TFB1M: variants seen among roughly 807,000 people sequenced by gnomAD.
TFB1M encodes dimethyladenosine transferase 1, mitochondrial.
A neutral mutation model predicts 31.1 loss-of-function variants in TFB1M; 27 were observed. The observed-to-expected ratio is 0.87, with a 90% CI of 0.64 to 1.20. The LOEUF is 1.20. TFB1M is among the 50% of genes most tolerant of loss of function. The pLI is 0.00. For missense variants in TFB1M, 394 were observed against 418.7 expected, an observed-to-expected ratio of 0.94 and a Z score of 0.51; for synonymous variants, 166 against 151.8, an observed-to-expected ratio of 1.09 and a Z score of -0.69.
chr6:155,251,408 T>C (rs1783646719), downstream of TFB1M, among the ~76,000 whole-genome samples: 1 of 152,190 alleles, frequency 6.6e-6, no homozygotes, highest in Admixed American at 6.5e-5. Context: ...TGCCTAAGCC[T>C]CCTGAGTAGC....
chr6:155,313,852 G>C (rs1778123731), intron 1 of TFB1M, among the ~76,000 whole-genome samples: 1 of 152,144 alleles, frequency 6.6e-6, no homozygotes, highest in African/African-American at 2.4e-5. Context: ...CGAATCATAC[G>C]AGGGATACTC....
intron 5 of TFB1M, chr6:155,276,042 G>T: frequency 3.1e-6 from 5 of 1,614,176 alleles, no homozygotes; most frequent in Non-Finnish European, 4.2e-6. Flanking sequence ...ACTCGCTTAG[G>T]AGGGGACAGA....
chr6:155,253,810 T>C, downstream of TFB1M: 1 of 567,854 alleles, frequency 1.8e-6, no homozygotes, highest in Non-Finnish European at 3.1e-6. Context: ...TTTCAGTTCT[T>C]GTAACTGTGA....
At chr6:155,312,315 C>G (rs1449823164) in intron 1 of TFB1M, among the ~76,000 whole-genome samples, 2 of 152,212 alleles carry the variant, frequency 1.3e-5, no homozygotes, top group Non-Finnish European at 2.9e-5. Flanking sequence ...ACCATCTTAT[C>G]TATTATGATG....
At chr6:155,303,015 G>A (rs1056879476) in intron 2 of TFB1M, among the ~76,000 whole-genome samples, 16 of 152,120 alleles carry the variant, frequency 1.1e-4, no homozygotes, top group African/African-American at 3.9e-4. Context: ...GATTTGAGTA[G>A]GGACATAGCC....
At chr6:155,272,283 C>T (rs1784955326) in intron 5 of TFB1M, among the ~76,000 whole-genome samples, 1 of 152,152 alleles carries the variant, frequency 6.6e-6, no homozygotes, top group African/African-American at 2.4e-5. Flanking sequence ...AGCAGTAAAT[C>T]TGCTTTTAAA....
chr6:155,268,263 A>G (rs1784753086), intron 5 of TFB1M, among the ~76,000 whole-genome samples: 1 of 152,080 alleles, frequency 6.6e-6, no homozygotes, highest in Admixed American at 6.5e-5. Context: ...CACAAATTCC[A>G]CCACAAAAAA....
In TFB1M at chr6:155,258,046, C is replaced by T. The variant is rs752693913; in HGVS notation, c.831G>A (p.Thr277=). 4.3e-6 allele frequency: 7 copies of T among 1,614,028 alleles called. No homozygotes were observed. Among genetic ancestry groups the T allele is most frequent in the East Asian group, 2.2e-5 (1 of 44,898 alleles). ...TGTCTGCCAACTCTAACAGCCTGCCCGTGCTTTCCAAGCGCTGCGCTTCAG... is the reference window on the plus strand; with the variant it reads ...TGTCTGCCAACTCTAACAGCCTGCCTGTGCTTTCCAAGCGCTGCGCTTCAG... ...LFPEAQRLES[T]GRLLELADID... Residue 277 remains threonine (T), a synonymous_variant, in exon 7 of 7, where the codon ACG becomes ACA. Transcript: ENST00000367166.
intron 5 of TFB1M, among the ~76,000 whole-genome samples, chr6:155,272,946 T>G (rs1218505131): frequency 6.6e-6 from 1 of 152,136 alleles, no homozygotes; most frequent in Non-Finnish European, 1.5e-5. Flanking sequence ...GAACATAGAT[T>G]GACAACAAAG....
the TFB1M span, chr6:155,245,474 C>T: frequency 6.0e-6 from 4 of 667,538 alleles, no homozygotes; most frequent in Admixed American, 2.6e-5. Context: ...GGGCTGTTCC[C>T]CACCTCCTGT....
intron 5 of TFB1M, among the ~76,000 whole-genome samples, chr6:155,280,323 C>A (rs1785436563): frequency 6.6e-6 from 1 of 152,136 alleles, no homozygotes; most frequent in Non-Finnish European, 1.5e-5. Context: ...AGAGATGGAG[C>A]TGCCTCTACT....
At chr6:155,286,495 ATGTG>A (rs1562407530) in intron 4 of TFB1M, among the ~76,000 whole-genome samples, 1 of 14,160 alleles carries the variant, frequency 7.1e-5, no homozygotes, top group Non-Finnish European at 1.4e-4. Context: ...GTGTATATAT[ATGTG>A]TGTATATATA....
At chr6:155,253,398 C>A, downstream of TFB1M, 1 of 258,900 alleles carries the variant, frequency 3.9e-6, no homozygotes, top group Non-Finnish European at 7.4e-6. Flanking sequence ...GCAGAAAATT[C>A]CTTAAGGTTA....
Position 155,314,287 on chromosome 6 carries a change from G to C in TFB1M, c.133+9C>G. Reference sequence around the variant, plus strand: ...GGAGACATCCGGGGAGCACTGCTAAGCCATCCACCTGTCAGCCTCAAGTCC... The same window carrying C: ...GGAGACATCCGGGGAGCACTGCTAACCCATCCACCTGTCAGCCTCAAGTCC... On this transcript the variant is annotated intron_variant, in intron 1 of 6. Transcript: ENST00000367166. 1 of 1,613,710 alleles carries C rather than the reference G, an allele frequency of 6.2e-7. No individual in the cohort carries two copies. Among genetic ancestry groups the C allele is most frequent in the Non-Finnish European group, 8.5e-7 (1 of 1,179,780 alleles).
the TFB1M span, among the ~76,000 whole-genome samples, chr6:155,245,014 C>T: frequency 1.3e-5 from 2 of 152,156 alleles, no homozygotes; most frequent in African/African-American, 4.8e-5. Flanking sequence ...AGCAGCACCT[C>T]CCGCCTGGTT....
At chr6:155,262,068 T>C (rs753491780) in intron 5 of TFB1M, among the ~76,000 whole-genome samples, 2 of 152,168 alleles carry the variant, frequency 1.3e-5, no homozygotes, top group East Asian at 1.9e-4. Flanking sequence ...AAACGCACCA[T>C]AGAACAGTGC....
chr6:155,252,886 C>A, downstream of TFB1M: 1 of 1,440,702 alleles, frequency 6.9e-7, no homozygotes, highest in Non-Finnish European at 9.8e-7. Flanking sequence ...ATTCACTGTG[C>A]ACACATCCTC....
the TFB1M span, among the ~76,000 whole-genome samples, chr6:155,233,664 TAACATTAAA>T: frequency 5.9e-5 from 9 of 152,162 alleles, no homozygotes; most frequent in Non-Finnish European, 1.2e-4. Context: ...AACCTTAGTA[TAACATTAAA>T]AACCTGAACT....
At chr6:155,232,218 T>C in the TFB1M span, among the ~76,000 whole-genome samples, 8 of 152,318 alleles carry the variant, frequency 5.3e-5, no homozygotes, top group South Asian at 1.0e-3. Context: ...ACAGTGACTT[T>C]TACGAAGTTC....
Sources: allele counts gnomAD v4.1 joint callset (sites outside exome capture counted in the v4.1 genomes callset), GRCh38; gene constraint gnomAD v4.1.1; transcripts MANE v1.5; gene names NCBI Gene and HGNC (gene_info 2026-07-23, HGNC 2026-07-21).